PLCB1: variants seen among roughly 807,000 people sequenced by gnomAD.
The protein encoded by PLCB1 is 1-phosphatidylinositol 4,5-bisphosphate phosphodiesterase beta-1.
A neutral mutation model predicts 161.8 loss-of-function variants in PLCB1; 46 were observed. The observed-to-expected ratio is 0.28, with a 90% CI of 0.22 to 0.36. The LOEUF (loss-of-function observed/expected upper bound fraction) is 0.36. PLCB1 is among the 10% of genes least tolerant of loss of function. The probability of loss-of-function intolerance (pLI) is 1.00; values close to 1 mark genes in which losing one functional copy is unlikely to be tolerated. For missense variants in PLCB1, 1,016 were observed against 1,472.5 expected (o/e 0.69, Z 5.07); for synonymous variants, 517 against 503.7 (o/e 1.03, Z -0.35).
intron 3 of PLCB1, among the ~76,000 whole-genome samples, chr20:8,559,118 T>A (rs1158643404): frequency 1.3e-5 from 2 of 151,904 alleles, no homozygotes; most frequent in Non-Finnish European, 2.9e-5. Flanking sequence ...ATATATCAAA[T>A]GATGAATAAA....
intron 15 of PLCB1, among the ~76,000 whole-genome samples, chr20:8,723,350 T>G (rs570949133): frequency 6.6e-6 from 1 of 152,182 alleles, no homozygotes; most frequent in East Asian, 1.9e-4. Context: ...AATTGGATAG[T>G]CCATTTGCAA....
chr20:8,158,924 C>T (rs1221759409), intron 2 of PLCB1, among the ~76,000 whole-genome samples: 1 of 152,208 alleles, frequency 6.6e-6, no homozygotes, highest in Non-Finnish European at 1.5e-5. Flanking sequence ...CAGCCCCCTT[C>T]CTGGCTGCTT....
chr20:8,384,500 C>A (rs1189625346), intron 3 of PLCB1, among the ~76,000 whole-genome samples: 1 of 151,958 alleles, frequency 6.6e-6, no homozygotes, highest in Non-Finnish European at 1.5e-5. Context: ...TTTTTATTAT[C>A]CATCTTCTGA....
intron 1 of PLCB1, among the ~76,000 whole-genome samples, chr20:8,139,611 G>A (rs1402304335): frequency 1.3e-5 from 2 of 152,052 alleles, no homozygotes; most frequent in Non-Finnish European, 2.9e-5. Flanking sequence ...AGTTGTCTAT[G>A]AAATAGTTAA....
intron 12 of PLCB1, among the ~76,000 whole-genome samples, chr20:8,710,204 A>G (rs1978921453): frequency 6.6e-6 from 1 of 152,112 alleles, no homozygotes. Flanking sequence ...TCACGGGAAG[A>G]CAGAGTGGGA....
At chr20:8,574,550 G>A (rs926867678) in intron 3 of PLCB1, among the ~76,000 whole-genome samples, 10 of 152,172 alleles carry the variant, frequency 6.6e-5, no homozygotes, top group Admixed American at 2.0e-4. Context: ...AATGAAAATC[G>A]TTTATTTTGA....
chr20:8,507,001 A>G (rs1483720669), intron 3 of PLCB1, among the ~76,000 whole-genome samples: 2 of 152,192 alleles, frequency 1.3e-5, no homozygotes, highest in African/African-American at 2.4e-5. Flanking sequence ...CTAAGAGCCT[A>G]CTGTTGACCA....
chr20:8,392,289 A>T (rs941723799), intron 3 of PLCB1, among the ~76,000 whole-genome samples: 1 of 152,084 alleles, frequency 6.6e-6, no homozygotes, highest in East Asian at 1.9e-4. Context: ...TGCCACCTTG[A>T]AACAGAGAGC....
chr20:8,222,387 T>A (rs1461126214), intron 2 of PLCB1, among the ~76,000 whole-genome samples: 2 of 152,192 alleles, frequency 1.3e-5, no homozygotes, highest in African/African-American at 2.4e-5. Flanking sequence ...GTAACGTAGT[T>A]GTTTCAATAC....
chr20:8,402,120 A>G (rs1379148538), intron 3 of PLCB1, among the ~76,000 whole-genome samples: 1 of 152,100 alleles, frequency 6.6e-6, no homozygotes, highest in Non-Finnish European at 1.5e-5. Flanking sequence ...TGGCTTTACA[A>G]TATATATTAC....
chr20:8,160,263 C>T (rs1265602188), intron 2 of PLCB1, among the ~76,000 whole-genome samples: 1 of 152,096 alleles, frequency 6.6e-6, no homozygotes, highest in East Asian at 1.9e-4. Flanking sequence ...CAAACTTTTC[C>T]ACATTTTCCT....
chr20:8,206,564 A>G (rs1206520093), intron 2 of PLCB1, among the ~76,000 whole-genome samples: 1 of 152,124 alleles, frequency 6.6e-6, no homozygotes, highest in Non-Finnish European at 1.5e-5. Flanking sequence ...TTGGACCTGC[A>G]TCTAGATTTG....
chr20:8,427,131 G>A (rs1445052984), intron 3 of PLCB1, among the ~76,000 whole-genome samples: 58 of 152,044 alleles, frequency 3.8e-4, no homozygotes, highest in Non-Finnish European at 1.0e-4. Context: ...GGCTGGTCTC[G>A]AACTGCTGAC....
At chr20:8,875,831 C>T (rs1424067125) in intron 31 of PLCB1, among the ~76,000 whole-genome samples, 2 of 151,946 alleles carry the variant, frequency 1.3e-5, no homozygotes, top group Non-Finnish European at 2.9e-5. Flanking sequence ...TTATGTTATA[C>T]TGGGTTTTGT....
chr20:8,201,865 A>G (rs1454336879), intron 2 of PLCB1, among the ~76,000 whole-genome samples: 1 of 152,214 alleles, frequency 6.6e-6, no homozygotes, highest in Non-Finnish European at 1.5e-5. Context: ...AAATGAGCAG[A>G]CATGAAGAAC....
intron 2 of PLCB1, among the ~76,000 whole-genome samples, chr20:8,299,032 T>C (rs755938257): frequency 3.3e-5 from 5 of 152,236 alleles, no homozygotes; most frequent in South Asian, 4.1e-4. Context: ...GATTCATTCA[T>C]TCATTTATTC....
intron 11 of PLCB1, among the ~76,000 whole-genome samples, chr20:8,700,712 C>T (rs1392170319): frequency 6.6e-6 from 1 of 151,728 alleles, no homozygotes; most frequent in Non-Finnish European, 1.5e-5. Context: ...ATTCCTCCTG[C>T]TAATGCACAT....
At chr20:8,312,672 C>G (rs894707265) in intron 2 of PLCB1, among the ~76,000 whole-genome samples, 1 of 152,106 alleles carries the variant, frequency 6.6e-6, no homozygotes, top group East Asian at 1.9e-4. Context: ...TTATTTTTAA[C>G]ATTTTGCTCT....
chr20:8,188,888 T>C (rs1010291003), intron 2 of PLCB1, among the ~76,000 whole-genome samples: 4 of 152,162 alleles, frequency 2.6e-5, no homozygotes, highest in Non-Finnish European at 4.4e-5. Flanking sequence ...AATTAGTATA[T>C]GATTGATGAC....
Sources: allele counts gnomAD v4.1 joint callset (sites outside exome capture counted in the v4.1 genomes callset), GRCh38; gene constraint gnomAD v4.1.1; transcripts MANE v1.5; gene names NCBI Gene and HGNC (gene_info 2026-07-23, HGNC 2026-07-21).